RAVER2: variants seen among roughly 807,000 people sequenced by gnomAD.
RAVER2 encodes the protein ribonucleoprotein PTB-binding 2.
RAVER2 carries 46 observed loss-of-function variants against 78.1 expected under a neutral mutation model. That is an observed-to-expected ratio of 0.59 (90% confidence interval 0.46 to 0.75). The LOEUF (loss-of-function observed/expected upper bound fraction) is 0.75. RAVER2 is among the 30% of genes least tolerant of loss of function. The pLI is 0.00. For synonymous variants in RAVER2, 311 were observed against 313.3 expected (o/e 0.99, Z 0.08); for missense variants, 793 against 837.5 (o/e 0.95, Z 0.66).
exon 12 of RAVER2, chr1:64,832,485 G>GTAAT (rs1400984977): frequency 6.6e-6 from 1 of 152,454 alleles, no homozygotes; most frequent in Non-Finnish European, 1.5e-5. Context: ...TTATAAGACT[G>GTAAT]TAATTAATTG....
chr1:64,825,169 CA>C (rs1653980160), intron 11 of RAVER2, among the ~76,000 whole-genome samples: 1 of 151,850 alleles, frequency 6.6e-6, no homozygotes, highest in Admixed American at 6.6e-5. Context: ...ACATTTTTAA[CA>C]ATGGGAGAAA....
At chr1:64,806,031 G>A (rs753504237) in intron 8 of RAVER2, among the ~76,000 whole-genome samples, 1 of 152,110 alleles carries the variant, frequency 6.6e-6, no homozygotes, top group Non-Finnish European at 1.5e-5. Flanking sequence ...AACGTTAGGG[G>A]AACCAAAGTA....
At chr1:64,776,607 A>C (rs903483577) in intron 2 of RAVER2, among the ~76,000 whole-genome samples, 5 of 152,212 alleles carry the variant, frequency 3.3e-5, no homozygotes, top group African/African-American at 1.2e-4. Context: ...TGGGTAAATT[A>C]AATGTTCATA....
intron 10 of RAVER2, among the ~76,000 whole-genome samples, chr1:64,813,474 A>G (rs561157706): frequency 6.6e-6 from 1 of 152,284 alleles, no homozygotes; most frequent in Admixed American, 6.5e-5. Context: ...GCATAAAATG[A>G]TTCCATTTAT....
intron 1 of RAVER2, among the ~76,000 whole-genome samples, chr1:64,752,466 T>C (rs1651726697): frequency 6.6e-6 from 1 of 152,194 alleles, no homozygotes; most frequent in East Asian, 1.9e-4. Context: ...ATAGTCTCTT[T>C]TAAAAGTTCT....
chr1:64,832,533 A>G (rs1654180098), exon 12 of RAVER2: 1 of 152,286 alleles, frequency 6.6e-6, no homozygotes, highest in African/African-American at 2.4e-5. Flanking sequence ...GCTTTTTGAA[A>G]TCAGATCATT....
intron 8 of RAVER2, among the ~76,000 whole-genome samples, chr1:64,806,995 T>C (rs140505708): frequency 9.9e-5 from 15 of 152,268 alleles, no homozygotes; most frequent in African/African-American, 3.6e-4. Context: ...TGAAAGTTGC[T>C]GAAAATAAGA....
chr1:64,801,862 T>C (rs1229567552), intron 5 of RAVER2, among the ~76,000 whole-genome samples: 2 of 152,074 alleles, frequency 1.3e-5, no homozygotes, highest in Non-Finnish European at 2.9e-5. Flanking sequence ...AGTGTGACTC[T>C]GTCTCAAAAA....
chr1:64,812,030 A>T (rs1008353252), intron 9 of RAVER2, among the ~76,000 whole-genome samples: 1 of 152,110 alleles, frequency 6.6e-6, no homozygotes, highest in Non-Finnish European at 1.5e-5. Flanking sequence ...TTTGGTCATA[A>T]AATATAAAAA....
At chr1:64,753,934 T>A (rs1374519652) in intron 1 of RAVER2, among the ~76,000 whole-genome samples, 2 of 152,156 alleles carry the variant, frequency 1.3e-5, no homozygotes, top group East Asian at 3.9e-4. Context: ...CATTACCACT[T>A]TGTCATTGTA....
At chr1:64,829,531 T>G (rs1192395730) in intron 11 of RAVER2, among the ~76,000 whole-genome samples, 1 of 152,156 alleles carries the variant, frequency 6.6e-6, no homozygotes, top group Non-Finnish European at 1.5e-5. Flanking sequence ...GAAGGGTTTT[T>G]GGGGCAGAGG....
At chr1:64,824,100 C>T (rs564002446) in intron 11 of RAVER2, among the ~76,000 whole-genome samples, 2 of 152,318 alleles carry the variant, frequency 1.3e-5, no homozygotes, top group East Asian at 3.9e-4. Flanking sequence ...TGCCACCGCG[C>T]CCGGCCTGAT....
chr1:64,761,539 C>G (rs560607997), intron 1 of RAVER2, among the ~76,000 whole-genome samples: 1 of 152,260 alleles, frequency 6.6e-6, no homozygotes, highest in South Asian at 2.1e-4. Context: ...GTAATACTTA[C>G]AGCAGGCAGG....
chr1:64,765,797 A>G (rs1299536524), intron 1 of RAVER2, among the ~76,000 whole-genome samples: 1 of 152,230 alleles, frequency 6.6e-6, no homozygotes, highest in African/African-American at 2.4e-5. Context: ...TTAAAAGAAA[A>G]TGAACAAAAA....
At chr1:64,757,191 A>G (rs1172446792) in intron 1 of RAVER2, among the ~76,000 whole-genome samples, 1 of 152,218 alleles carries the variant, frequency 6.6e-6, no homozygotes, top group Non-Finnish European at 1.5e-5. Context: ...TTTCAACACA[A>G]CAGGACATTG....
chr1:64,768,575 G>A, intron 1 of RAVER2, 81 bp from the exon 2 acceptor site: 2 of 814,800 alleles, frequency 2.5e-6, no homozygotes, highest in Non-Finnish European at 4.1e-6. Context: ...TAATGGTGGT[G>A]GTGGTGGTAG....
chr1:64,745,366 T>A lies in RAVER2; in HGVS notation c.194T>A (p.Leu65Gln), dbSNP rs1226353550. 2.6e-6 allele frequency: 4 copies of A among 1,543,396 alleles called. No individual in the cohort carries two copies. The Admixed American group carries it at 7.9e-5, about 30-fold the overall frequency. The change falls in exon 1 of 12, where the codon CTG (leucine) becomes CAG (glutamine). Residue 65 changes from leucine to glutamine, a missense_variant. Coordinates refer to ENST00000294428, the Ensembl canonical transcript of RAVER2. This position sits in a 1 kb window ranked among gnomAD's most constrained non-coding sequence, Gnocchi z 4.3. ...CGACTGCAGCGGATGCAGCGGGAGC[T>A]GAGCAACCGCAGGAAAATCCTGGTG...
At chr1:64,800,348 A>G (rs893893921) in intron 5 of RAVER2, among the ~76,000 whole-genome samples, 5 of 152,130 alleles carry the variant, frequency 3.3e-5, no homozygotes, top group African/African-American at 1.2e-4. Context: ...AGTGTGACCC[A>G]TAACATCTTT....
intron 5 of RAVER2, among the ~76,000 whole-genome samples, chr1:64,800,660 T>C (rs1282121561): frequency 6.6e-6 from 1 of 152,184 alleles, no homozygotes; most frequent in African/African-American, 2.4e-5. Context: ...CAAAAATGCC[T>C]TTTTCCTCAT....
Sources: gnomAD v4.1 joint callset for allele counts (sites outside exome capture counted in the v4.1 genomes callset) on GRCh38, gnomAD v4.1.1 for gene constraint, Gnocchi (gnomAD v3.1) non-coding constraint, MANE v1.5 for transcripts, NCBI Gene and HGNC (gene_info 2026-07-23, HGNC 2026-07-21) for gene names.